Variants in RBFOX1 observed in about 807,000 individuals in gnomAD.
RBFOX1 encodes the protein RNA binding protein fox-1 homolog 1.
In RBFOX1, 8 loss-of-function variants were observed where a neutral mutation model predicts 57.7. The ratio of observed to expected loss-of-function variants is 0.14; its 90% confidence interval spans 0.08 to 0.25. RBFOX1 has a LOEUF of 0.25. Among genes scored for constraint, RBFOX1 ranks in the 10% least tolerant of loss-of-function variants. RBFOX1 has a pLI of 1.00. For missense variants in RBFOX1, 611 were observed against 548.5 expected (o/e 1.11, Z -1.14); for synonymous variants, 326 against 222.4 (o/e 1.47, Z -4.15).
At chr16:6,480,194 G>A (rs2095351149) in intron 2 of RBFOX1, among the ~76,000 whole-genome samples, 1 of 152,142 alleles carries the variant, frequency 6.6e-6, no homozygotes. Flanking sequence ...CTTATGTACT[G>A]GCTTTATGCT....
chr16:5,880,234 G>C (rs900451084), intron 4 of RBFOX1, among the ~76,000 whole-genome samples: 3 of 152,138 alleles, frequency 2.0e-5, no homozygotes, highest in African/African-American at 7.2e-5. Flanking sequence ...ATTTGTCAAT[G>C]GTCACACAGT....
chr16:7,398,330 A>G (rs2098176817), intron 4 of RBFOX1, among the ~76,000 whole-genome samples: 1 of 152,190 alleles, frequency 6.6e-6, no homozygotes, highest in Non-Finnish European at 1.5e-5. Flanking sequence ...CACTTTCTTC[A>G]TCTGTAAGAT....
rs17767856 is a variant in RBFOX1 at position 7,698,437 on chromosome 16, G to T, written c.996-10619G>T. Among the ~76,000 whole-genome samples the T allele has an allele frequency of 5.8e-3, 880 of 152,204 alleles. 6 individuals are homozygous for T. The highest frequency in any genetic ancestry group is 0.025 in the South Asian group (121 of 4,822). ...AGCTGTTGAAACTGTTCTCTGTGGG[G>T]CAGGTTGCTACCCAAGTTACCAATT... On this transcript the variant is annotated intron_variant, in intron 14 of 15. Transcript: ENST00000550418.
chr16:6,160,874 C>T (rs1263168344), intron 1 of RBFOX1, among the ~76,000 whole-genome samples: 1 of 152,196 alleles, frequency 6.6e-6, no homozygotes, highest in African/African-American at 2.4e-5. Flanking sequence ...TTTCCTCAGA[C>T]AGCCTTTTCT....
chr16:6,271,402 G>A lies in RBFOX1; in HGVS notation c.-126-45593G>A, dbSNP rs145072407. ...GTGACCACTGCACTTCAGCTGGAGC[G>A]ACAGAGCAAGACCCTGTCTAAAAAA... On this transcript the variant is annotated intron_variant, in intron 1 of 15. Transcript: ENST00000550418. 1.1e-3 allele frequency among the ~76,000 whole-genome samples: 167 copies of A among 152,080 alleles called. 1 individual carries two copies. The highest frequency in any genetic ancestry group is 3.9e-3 in the African/African-American group (164 of 41,564).
At chr16:6,281,006 T>A (rs1232747161) in intron 1 of RBFOX1, among the ~76,000 whole-genome samples, 1 of 151,862 alleles carries the variant, frequency 6.6e-6, no homozygotes. Context: ...TATATATGTA[T>A]ATATATATGT....
chr16:5,766,560 G>T (rs1239507634), intron 3 of RBFOX1, among the ~76,000 whole-genome samples: 2 of 152,128 alleles, frequency 1.3e-5, no homozygotes, highest in Non-Finnish European at 2.9e-5. Flanking sequence ...ACTCCAGCCC[G>T]GGCAACAGTG....
intron 4 of RBFOX1, among the ~76,000 whole-genome samples, chr16:7,345,606 C>A (rs548703502): frequency 2.6e-5 from 4 of 152,236 alleles, no homozygotes; most frequent in East Asian, 1.9e-4. Flanking sequence ...TACAGAACGC[C>A]AGTCATCAGC....
intron 2 of RBFOX1, among the ~76,000 whole-genome samples, chr16:5,479,225 G>A (rs1160101128): frequency 2.6e-5 from 4 of 151,958 alleles, no homozygotes; most frequent in African/African-American, 9.7e-5. Flanking sequence ...GTCAAATCTT[G>A]GTGCTGTCAT....
rs1056385002 is a variant in RBFOX1, at chr16:6,259,891, A to G, written c.-126-57104A>G. ...CAGGAGAATTGCTTGAACCCGAGAG[A>G]TGGAGGGTGCTGTGAGCTGAGATCG... is the stretch of plus-strand genomic sequence containing the variant. On this transcript the variant is annotated intron_variant, in intron 1 of 15. Transcript: ENST00000550418. Among the ~76,000 whole-genome samples the G allele has an allele frequency of 8.1e-5, 12 of 148,980 alleles. No homozygotes were observed. In the Admixed American group the frequency reaches 8.1e-4, roughly 10 times the overall value.
At chr16:5,557,274 T>TAAAC (rs1475240710) in intron 2 of RBFOX1, among the ~76,000 whole-genome samples, 2 of 134,842 alleles carry the variant, frequency 1.5e-5, no homozygotes, top group African/African-American at 5.1e-5. Context: ...AATAAATAAA[T>TAAAC]AAATAAATAA....
At chr16:6,811,829 C>A (rs535420887) in intron 3 of RBFOX1, among the ~76,000 whole-genome samples, 1 of 152,166 alleles carries the variant, frequency 6.6e-6, no homozygotes, top group Non-Finnish European at 1.5e-5. Context: ...GCAGAGGTTA[C>A]AGTGAGCCGA....
chr16:7,130,023 T>TTTTTGAAGA (rs1309344423), intron 4 of RBFOX1, among the ~76,000 whole-genome samples: 1 of 150,370 alleles, frequency 6.7e-6, no homozygotes, highest in Non-Finnish European at 1.5e-5. Context: ...ATCTTCTTCA[T>TTTTTGAAGA]TTTTGAAGAT....
chr16:5,304,730 C>T (rs1031196174), intron 1 of RBFOX1, among the ~76,000 whole-genome samples: 1 of 152,136 alleles, frequency 6.6e-6, no homozygotes, highest in Non-Finnish European at 1.5e-5. Flanking sequence ...ACAACTCCAT[C>T]TATCATAACT....
chr16:6,407,818 C>T (rs1005625790), intron 2 of RBFOX1, among the ~76,000 whole-genome samples: 5 of 152,142 alleles, frequency 3.3e-5, no homozygotes, highest in African/African-American at 4.8e-5. Context: ...CCAATCCTCA[C>T]GCAGCATACA....
At chr16:6,458,780 C>G (rs962801324) in intron 2 of RBFOX1, among the ~76,000 whole-genome samples, 1 of 152,200 alleles carries the variant, frequency 6.6e-6, no homozygotes, top group South Asian at 2.1e-4. Context: ...GACAGAGTTG[C>G]ATGTAAAATG....
At chr16:6,875,738 C>G (rs760676990) in intron 3 of RBFOX1, among the ~76,000 whole-genome samples, 1 of 152,160 alleles carries the variant, frequency 6.6e-6, no homozygotes, top group Non-Finnish European at 1.5e-5. Context: ...GGCATGGTGG[C>G]CCATGCCTGT....
intron 3 of RBFOX1, among the ~76,000 whole-genome samples, chr16:6,970,180 A>G (rs74501070): frequency 0.026 from 3,953 of 151,908 alleles, 169 homozygotes; most frequent in African/African-American, 0.09. Flanking sequence ...TCTGGGGGGA[A>G]AAAAATAAAA....
intron 5 of RBFOX1, among the ~76,000 whole-genome samples, chr16:7,528,534 A>G (rs572332796): frequency 2.6e-5 from 4 of 152,178 alleles, no homozygotes; most frequent in Admixed American, 6.5e-5. Flanking sequence ...CTGGAGTGCT[A>G]TGGCACCATC....
Sources: gnomAD v4.1 joint callset for allele counts (sites outside exome capture counted in the v4.1 genomes callset) on GRCh38, gnomAD v4.1.1 for gene constraint, MANE v1.5 for transcripts, NCBI Gene and HGNC (gene_info 2026-07-23, HGNC 2026-07-21) for gene names.